Variants in SDHA observed in about 807,000 individuals in gnomAD.
The protein encoded by SDHA is succinate dehydrogenase [ubiquinone] flavoprotein subunit, mitochondrial.
SDHA carries 48 observed loss-of-function variants against 78.4 expected under a neutral mutation model. That is an observed-to-expected ratio of 0.61 (90% confidence interval 0.49 to 0.78). The LOEUF (loss-of-function observed/expected upper bound fraction) is 0.78. Among genes scored for constraint, SDHA ranks in the 30% least tolerant of loss-of-function variants. SDHA has a pLI of 0.00. For missense variants in SDHA, 680 were observed against 892.7 expected, an observed-to-expected ratio of 0.76 and a Z score of 3.04; for synonymous variants, 326 against 353.9, an observed-to-expected ratio of 0.92 and a Z score of 0.88.
intron 9 of SDHA, 42 bp downstream of exon 9, chr5:235,381 G>T: frequency 6.3e-7 from 1 of 1,588,282 alleles, no homozygotes; most frequent in South Asian, 1.1e-5. Context: ...AAAGAAGGCT[G>T]GGACGACGGG....
Position 235,342 on chromosome 5 carries a change from G to T in SDHA, c.1260+3G>T, listed in dbSNP as rs2126585827. Reference sequence around the variant, plus strand: ...TTCCCACCAACTACAAGGGGCAGGTGATGGTGCTGGCTCCTCCCCCACAGC... The same window carrying T: ...TTCCCACCAACTACAAGGGGCAGGTTATGGTGCTGGCTCCTCCCCCACAGC... On this transcript the variant is annotated splice_donor_region_variant and intron_variant, in intron 9 of 14. Transcript: ENST00000264932. The T allele has an allele frequency of 6.2e-7, 1 of 1,614,168 alleles. No individual in the cohort carries two copies. The highest frequency in any genetic ancestry group is 8.5e-7 in the Non-Finnish European group (1 of 1,179,982).
At position 224,494 on chromosome 5, in the gene SDHA, T is replaced by C. The variant is rs2126543225; in HGVS notation, c.285T>C (p.Pro95=). The C allele has an allele frequency of 6.2e-7, 1 of 1,612,952 alleles. No homozygotes were observed. ...FNTACVTKLF[P]TRSHTVAAQG... is the part of the protein sequence containing the mutation. ...CAGCATGTGTTACCAAGCTGTTTCC[T>C]ACCAGGTCACACACTGTTGCAGCAC... Residue 95 remains proline, a synonymous_variant, in exon 3 of 15, where the codon CCT becomes CCC. Transcript: ENST00000264932.
At chr5:263,523 G>A in the SDHA span, among the ~76,000 whole-genome samples, 1 of 152,200 alleles carries the variant, frequency 6.6e-6, no homozygotes, top group Non-Finnish European at 1.5e-5. Context: ...GCAGATCCGT[G>A]GTTCCCTGCA....
rs369489565 is a variant in SDHA at position 227,004 on chromosome 5, GTTTGT to G, written c.621+976_621+980del. ...CTGAGTTCCTGAATGGATTGGTTTTGTTTGTTTTGTTTTGTTTTGTTTTTGAGACG... is the reference window on the plus strand; with the variant it reads ...CTGAGTTCCTGAATGGATTGGTTTTGTTTGTTTTGTTTTGTTTTTGAGACG... On this transcript the variant is annotated intron_variant, in intron 5 of 14. Coordinates refer to ENST00000264932, the MANE Select transcript of SDHA (RefSeq NM_004168.4). 1.2e-4 allele frequency among the ~76,000 whole-genome samples: 18 copies of G among 150,914 alleles called. No individual in the cohort carries two copies. The East Asian group carries it at 1.6e-3, about 13-fold the overall frequency.
downstream of SDHA, among the ~76,000 whole-genome samples, chr5:258,219 C>CTG (rs1737329424): frequency 2.6e-5 from 3 of 116,564 alleles, no homozygotes; most frequent in East Asian, 2.2e-4. Flanking sequence ...CAGAGCATTA[C>CTG]CGTGAGCTCC....
intron 3 of SDHA, 38 bp from the exon 4 acceptor site, chr5:225,381 C>T (rs963377808): frequency 2.5e-5 from 40 of 1,611,822 alleles, no homozygotes; most frequent in Non-Finnish European, 3.2e-5. Context: ...AGTTGGCGCT[C>T]CTGTTTGTGG....
chr5:235,091 G>T, intron 8 of SDHA, 53 bp from the exon 9 acceptor site: 1 of 1,549,476 alleles, frequency 6.5e-7, no homozygotes, highest in Non-Finnish European at 8.9e-7. Context: ...GTATTCTCAG[G>T]TCTCCTGCCG....
At position 256,823 on chromosome 5, in the gene SDHA, C is replaced by CT. The variant is rs758468864; in HGVS notation, c.*407dup. ...TTTGTATAGTTTCTTTTTTCTTTTT[C>CT]TTTTCTTTTTTTTTTTTGAGACAGG... is the stretch of plus-strand genomic sequence containing the variant. On this transcript the variant is annotated 3_prime_UTR_variant, in exon 15 of 15. Coordinates refer to ENST00000264932, the MANE Select transcript of SDHA (RefSeq NM_004168.4). The CT allele has an allele frequency of 0.11, 24,506 of 224,934 alleles. 1,186 individuals carry two copies. Among genetic ancestry groups the CT allele is most frequent in the Non-Finnish European group, 0.14 (16,407 of 117,196 alleles). 13.9% of individuals were successfully genotyped at this position (224,934 alleles called of 1,614,324 possible).
At chr5:260,782 A>C (rs796790523), downstream of SDHA, among the ~76,000 whole-genome samples, 10 of 5,264 alleles carry the variant, frequency 1.9e-3, no homozygotes, top group East Asian at 5.6e-3. Flanking sequence ...CCGCCTCCCG[A>C]CAGAGCATTA....
chr5:247,544 C>T (rs1736537727), intron 11 of SDHA, among the ~76,000 whole-genome samples: 1 of 152,220 alleles, frequency 6.6e-6, no homozygotes, highest in African/African-American at 2.4e-5. Context: ...TCCAGCGATG[C>T]CCAACTTGCC....
At chr5:262,321 A>C in the SDHA span, among the ~76,000 whole-genome samples, 13 of 109,834 alleles carry the variant, frequency 1.2e-4, no homozygotes, top group Non-Finnish European at 1.8e-4. Context: ...GCCTCCCGTC[A>C]GAGCATTACC....
At chr5:255,264 G>A (rs544632182) in intron 14 of SDHA, among the ~76,000 whole-genome samples, 1 of 151,850 alleles carries the variant, frequency 6.6e-6, no homozygotes, top group Non-Finnish European at 1.5e-5. Context: ...GCTTGTAAGA[G>A]TCGTATAATC....
chr5:223,144 C>G (rs1169772926), intron 1 of SDHA, among the ~76,000 whole-genome samples: 1 of 152,214 alleles, frequency 6.6e-6, no homozygotes, highest in Non-Finnish European at 1.5e-5. Flanking sequence ...CGTCTTTCCC[C>G]TTCTCCACTA....
chr5:258,959 T>G (rs71597617), downstream of SDHA, among the ~76,000 whole-genome samples: 8 of 27,060 alleles, frequency 3.0e-4, 1 homozygote, highest in Admixed American at 2.4e-3. Flanking sequence ...CCGCCTCCCG[T>G]CCGAGCATTA....
In SDHA at chr5:228,181, T is replaced by C. The variant is rs1579390820; in HGVS notation, c.622-4T>C. 1.2e-6 allele frequency: 2 copies of C among 1,613,804 alleles called. No individual in the cohort carries two copies. The highest frequency in any genetic ancestry group is 1.7e-6 in the Non-Finnish European group (2 of 1,179,802). On this transcript the variant is annotated splice_region_variant and splice_polypyrimidine_tract_variant and intron_variant, in intron 5 of 14. Transcript: ENST00000264932. ...TCTTGCCCTTTTTTTTTCCTTTCTTTTAGTCTCTGCGATATGATACCAGCT... is the reference window on the plus strand; with the variant it reads ...TCTTGCCCTTTTTTTTTCCTTTCTTCTAGTCTCTGCGATATGATACCAGCT...
the SDHA span, among the ~76,000 whole-genome samples, chr5:268,155 CAT>C: frequency 6.6e-6 from 1 of 151,644 alleles, no homozygotes; most frequent in Non-Finnish European, 1.5e-5. Context: ...TTTGTACATT[CAT>C]ATGAGTATGC....
At chr5:254,728 G>A (rs1469992159) in intron 14 of SDHA, among the ~76,000 whole-genome samples, 2 of 152,162 alleles carry the variant, frequency 1.3e-5, no homozygotes, top group East Asian at 3.9e-4. Context: ...CCTTAAGGAA[G>A]GGTTGCTCCG....
chr5:233,634 C>A lies in SDHA; in HGVS notation c.1053C>A (p.Ile351=), dbSNP rs2126578352. ...TGTCTCGGTCCATGACTCTGGAGAT[C>A]CGAGAAGGAAGGTGCGTGTGATTTA... ...DVVSRSMTLE[I]REGRGCGPEK... Residue 351 remains isoleucine (I), a synonymous_variant, in exon 8 of 15, where the codon ATC becomes ATA. Coordinates refer to ENST00000264932, the MANE Select transcript of SDHA (RefSeq NM_004168.4). 2 of 1,614,012 alleles carry A rather than the reference C, an allele frequency of 1.2e-6. No homozygotes were observed. Among genetic ancestry groups the A allele is most frequent in the African/African-American group, 1.3e-5 (1 of 75,034 alleles).
chr5:221,479 T>C (rs1471447279), intron 1 of SDHA, among the ~76,000 whole-genome samples: 1 of 152,204 alleles, frequency 6.6e-6, no homozygotes, highest in Non-Finnish European at 1.5e-5. Flanking sequence ...GATTTATAGG[T>C]GCGTTGTATT....
Sources: gnomAD v4.1 joint callset for allele counts (sites outside exome capture counted in the v4.1 genomes callset) on GRCh38, gnomAD v4.1.1 for gene constraint, MANE v1.5 for transcripts, NCBI Gene and HGNC (gene_info 2026-07-23, HGNC 2026-07-21) for gene names.